PDE1A: variants seen among roughly 807,000 people sequenced by gnomAD.
PDE1A encodes phosphodiesterase 1A, also known as dual specificity calcium/calmodulin-dependent 3',5'-cyclic nucleotide phosphodiesterase 1A.
Under a neutral mutation model 61.7 loss-of-function variants are expected in PDE1A, and 35 were observed. The ratio of observed to expected loss-of-function variants is 0.57; its 90% CI spans 0.43 to 0.75. The LOEUF is 0.75. PDE1A is among the 30% of genes least tolerant of loss of function. The pLI, the probability that PDE1A is intolerant of heterozygous loss-of-function variation, is 0.00. For missense variants in PDE1A, 597 were observed against 630.6 expected, an observed-to-expected ratio of 0.95 and a Z score of 0.57; for synonymous variants, 232 against 213.2, an observed-to-expected ratio of 1.09 and a Z score of -0.77.
chr2:182,693,081 C>A, the PDE1A span, among the ~76,000 whole-genome samples: 3 of 152,080 alleles, frequency 2.0e-5, no homozygotes, highest in East Asian at 1.9e-4. Context: ...CAGAGAGAGA[C>A]CCTGTCTCCA....
At chr2:182,261,673 T>G (rs1179759724) in intron 2 of PDE1A, among the ~76,000 whole-genome samples, 2 of 152,154 alleles carry the variant, frequency 1.3e-5, no homozygotes, top group East Asian at 3.9e-4. Flanking sequence ...TTAGGTATAA[T>G]ATACATTTAA....
upstream of PDE1A, among the ~76,000 whole-genome samples, chr2:182,527,458 T>C (rs1690796693): frequency 2.0e-5 from 3 of 146,660 alleles, no homozygotes; most frequent in South Asian, 6.6e-4. Flanking sequence ...CTTGGGGGGC[T>C]GAGGTGGGAG....
At chr2:182,332,829 C>T (rs560933024) in intron 1 of PDE1A, among the ~76,000 whole-genome samples, 1 of 151,892 alleles carries the variant, frequency 6.6e-6, no homozygotes, top group Non-Finnish European at 1.5e-5. Flanking sequence ...TGGTCAGGGA[C>T]CATTTCACGT....
chr2:182,690,524 G>A, the PDE1A span, among the ~76,000 whole-genome samples: 1 of 152,098 alleles, frequency 6.6e-6, no homozygotes, highest in Admixed American at 6.6e-5. Flanking sequence ...TTGATGGGAT[G>A]TATCTCAAAA....
At chr2:182,521,416 C>T (rs1560375) in intron 2 of PDE1A, among the ~76,000 whole-genome samples, 131,607 of 152,032 alleles carry the variant, frequency 0.87, 57,103 homozygotes, top group East Asian at 0.99. Context: ...GCAATTACAA[C>T]GGCCTGTAAA....
At chr2:182,687,619 G>A in the PDE1A span, among the ~76,000 whole-genome samples, 5 of 152,078 alleles carry the variant, frequency 3.3e-5, no homozygotes, top group East Asian at 1.9e-4. Flanking sequence ...TCTAAAAATC[G>A]AGCACCTCTC....
the PDE1A span, among the ~76,000 whole-genome samples, chr2:182,700,524 C>A: frequency 6.6e-6 from 1 of 151,400 alleles, no homozygotes; most frequent in Non-Finnish European, 1.5e-5. Context: ...GAGATCGAGA[C>A]CATCCTGGCC....
the PDE1A span, chr2:182,716,046 G>C: frequency 5.9e-5 from 9 of 152,252 alleles, no homozygotes; most frequent in Admixed American, 6.5e-5. Context: ...CGGCCGCATT[G>C]GTGAGGGGGC....
At position 182,357,576 on chromosome 2, in the gene PDE1A, G is replaced by GTTTA. The variant is rs781253448; in HGVS notation, c.53+68998_53+69001dup. On this transcript the variant is annotated intron_variant, in intron 1 of 13. Coordinates refer to ENST00000351439, the Ensembl canonical transcript of PDE1A. ...AGATTTTGAGCATTGCAGAAAGTGT[G>GTTTA]TTTATTTATTTATTTATTTATTGGC... 2.2e-4 allele frequency among the ~76,000 whole-genome samples: 33 copies of GTTTA among 152,066 alleles called. 1 individual carries two copies. Among genetic ancestry groups the GTTTA allele is most frequent in the African/African-American group, 5.5e-4 (23 of 41,498 alleles).
chr2:182,169,910 A>ACACACACACG (rs1553520043), intron 13 of PDE1A, among the ~76,000 whole-genome samples: 9 of 75,646 alleles, frequency 1.2e-4, no homozygotes, highest in Admixed American at 4.4e-4. Flanking sequence ...ACACACACAC[A>ACACACACACG]CACACACACA....
At chr2:182,334,697 TC>T (rs1697663798) in intron 1 of PDE1A, among the ~76,000 whole-genome samples, 2 of 152,168 alleles carry the variant, frequency 1.3e-5, no homozygotes, top group African/African-American at 2.4e-5. Flanking sequence ...CTGGAAGCGT[TC>T]CCTTTCAAAA....
intron 1 of PDE1A, among the ~76,000 whole-genome samples, chr2:182,329,836 T>A (rs1161816399): frequency 6.6e-6 from 1 of 152,234 alleles, no homozygotes; most frequent in Non-Finnish European, 1.5e-5. Flanking sequence ...TTAATTTGCA[T>A]GCTTACTGTT....
chr2:182,418,099 CA>C (rs749252132), intron 1 of PDE1A, among the ~76,000 whole-genome samples: 1 of 152,132 alleles, frequency 6.6e-6, no homozygotes, highest in Admixed American at 6.5e-5. Context: ...AAATTAGATT[CA>C]AATGCATAAG....
intron 7 of PDE1A, among the ~76,000 whole-genome samples, chr2:182,212,234 T>C (rs1480963375): frequency 7.9e-6 from 1 of 127,008 alleles, no homozygotes; most frequent in Non-Finnish European, 1.7e-5. Context: ...TTGAAACATA[T>C]ATATCTTTCT....
chr2:182,344,886 GA>G (rs989533232), intron 1 of PDE1A, among the ~76,000 whole-genome samples: 15 of 152,004 alleles, frequency 9.9e-5, no homozygotes, highest in African/African-American at 3.6e-4. Context: ...AGCCCCTGCA[GA>G]AAAAAAGAGC....
the PDE1A span, among the ~76,000 whole-genome samples, chr2:182,590,842 G>T: frequency 6.6e-6 from 1 of 152,120 alleles, no homozygotes; most frequent in Non-Finnish European, 1.5e-5. Context: ...CCACTAATTT[G>T]CACTGGAAAT....
At chr2:182,540,580 T>C in the PDE1A span, among the ~76,000 whole-genome samples, 1 of 152,096 alleles carries the variant, frequency 6.6e-6, no homozygotes, top group Non-Finnish European at 1.5e-5. Context: ...ACAAATAGTG[T>C]CTGAGTTAAC....
At chr2:182,620,960 A>G in the PDE1A span, among the ~76,000 whole-genome samples, 1 of 152,132 alleles carries the variant, frequency 6.6e-6, no homozygotes, top group Non-Finnish European at 1.5e-5. Context: ...CAGCCCACAC[A>G]AGACATTGCT....
At chr2:182,509,768 G>GGCAAATTT (rs1689666413) in intron 2 of PDE1A, among the ~76,000 whole-genome samples, 1 of 152,178 alleles carries the variant, frequency 6.6e-6, no homozygotes, top group South Asian at 2.1e-4. Flanking sequence ...CAGAAATGTA[G>GGCAAATTT]TTGATACCAA....
Sources: allele counts gnomAD v4.1 joint callset (sites outside exome capture counted in the v4.1 genomes callset), GRCh38; gene constraint gnomAD v4.1.1; transcripts MANE v1.5; gene names NCBI Gene and HGNC (gene_info 2026-07-23, HGNC 2026-07-21).